TBC1D9: variants seen among roughly 807,000 people sequenced by gnomAD.
The protein encoded by TBC1D9 is TBC1 domain family member 9A.
A neutral mutation model predicts 132.0 loss-of-function variants in TBC1D9; 63 were observed. That is an observed-to-expected ratio of 0.48 (90% CI 0.39 to 0.59). TBC1D9 has a LOEUF of 0.59. Ranked by LOEUF, TBC1D9 falls within the 20% of genes least tolerant of loss-of-function variation. The pLI, the probability that TBC1D9 is intolerant of heterozygous loss-of-function variation, is 0.00. For missense variants in TBC1D9, 1,261 were observed against 1,592.7 expected (o/e 0.79, Z 3.54); for synonymous variants, 610 against 609.9 (o/e 1.00, Z 0.00).
intron 1 of TBC1D9, among the ~76,000 whole-genome samples, chr4:140,752,154 T>C (rs948590160): frequency 6.6e-6 from 1 of 151,984 alleles, no homozygotes; most frequent in Non-Finnish European, 1.5e-5. Context: ...TGCCCCCAAA[T>C]GAACCATCCA....
intron 4 of TBC1D9, 138 bp downstream of exon 4, chr4:140,679,477 C>T (rs1310903214): frequency 1.4e-6 from 1 of 694,598 alleles, no homozygotes; most frequent in African/African-American, 1.8e-5. Flanking sequence ...ATTAAATTCA[C>T]TTCAGTAGTA....
intron 1 of TBC1D9, among the ~76,000 whole-genome samples, chr4:140,709,240 TCTCTCTCTCA>T (rs1230164246): frequency 0.011 from 1,154 of 109,540 alleles, 12 homozygotes; most frequent in African/African-American, 0.042. Flanking sequence ...TCTCTCTCTC[TCTCTCTCTCA>T]CACACACACA....
intron 13 of TBC1D9, among the ~76,000 whole-genome samples, chr4:140,641,251 G>A (rs1736989288): frequency 6.6e-6 from 1 of 152,104 alleles, no homozygotes; most frequent in South Asian, 2.1e-4. Context: ...GGGCACAAGG[G>A]GCACTTCCAG....
intron 2 of TBC1D9, among the ~76,000 whole-genome samples, chr4:140,696,205 CCCAGCATTTTG>C (rs1737955749): frequency 6.6e-6 from 1 of 150,976 alleles, no homozygotes; most frequent in Non-Finnish European, 1.5e-5. Flanking sequence ...CGCCTGTAAT[CCCAGCATTTTG>C]GGAGGCTGAG....
At chr4:140,636,318 T>G (rs1313591821) in intron 15 of TBC1D9, among the ~76,000 whole-genome samples, 4 of 152,170 alleles carry the variant, frequency 2.6e-5, no homozygotes, top group Non-Finnish European at 5.9e-5. Flanking sequence ...TCCAAAAGTC[T>G]GTGCAGTAAG....
rs745846915 is a variant in TBC1D9 at position 140,631,885 on chromosome 4, C to T, written c.2746+2063G>A. Reference sequence around the variant, plus strand: ...GTGCTGGGATGACAGCCATGAGCCACGGGGCCTGGCCCATTCTTTAGTTTC... The same window carrying T: ...GTGCTGGGATGACAGCCATGAGCCATGGGGCCTGGCCCATTCTTTAGTTTC... On this transcript the variant is annotated intron_variant, in intron 16 of 20. Transcript: ENST00000442267. Among the ~76,000 whole-genome samples, 3 of 152,158 alleles carry T rather than the reference C, an allele frequency of 2.0e-5. No individual in the cohort carries two copies. In the East Asian group the frequency reaches 5.8e-4, roughly 29 times the overall value.
At chr4:140,667,359 G>A (rs1017376522) in intron 9 of TBC1D9, among the ~76,000 whole-genome samples, 7 of 152,124 alleles carry the variant, frequency 4.6e-5, no homozygotes, top group African/African-American at 1.7e-4. Context: ...CCTGGTACTC[G>A]TTTTGAGTTT....
chr4:140,673,167 C>CA (rs36085828), intron 6 of TBC1D9, among the ~76,000 whole-genome samples: 2,262 of 135,144 alleles, frequency 0.017, 52 homozygotes, highest in African/African-American at 0.057. Context: ...GACCCCATAT[C>CA]AAAAAAAAAA....
intron 13 of TBC1D9, among the ~76,000 whole-genome samples, chr4:140,641,105 CA>C (rs1038335139): frequency 1.7e-5 from 1 of 59,780 alleles, no homozygotes; most frequent in Non-Finnish European, 3.1e-5. Flanking sequence ...AAAAAAAAAA[CA>C]AAAAAAAACA....
chr4:140,673,613 A>G (rs1216918496), intron 6 of TBC1D9, among the ~76,000 whole-genome samples: 1 of 152,162 alleles, frequency 6.6e-6, no homozygotes, highest in Admixed American at 6.5e-5. Flanking sequence ...TACATCACAG[A>G]GTCATCAGTT....
intron 1 of TBC1D9, among the ~76,000 whole-genome samples, chr4:140,748,141 C>A (rs138063118): frequency 6.6e-6 from 1 of 152,112 alleles, no homozygotes; most frequent in East Asian, 1.9e-4. Flanking sequence ...CTTACAAGAA[C>A]CATACTTGCT....
chr4:140,637,714 A>C (rs923013765), intron 15 of TBC1D9, among the ~76,000 whole-genome samples: 5 of 152,194 alleles, frequency 3.3e-5, no homozygotes, highest in Admixed American at 6.5e-5. Context: ...AATATTCATG[A>C]GCTGGCACAC....
chr4:140,732,137 G>A (rs1336900878), intron 1 of TBC1D9, among the ~76,000 whole-genome samples: 1 of 152,188 alleles, frequency 6.6e-6, no homozygotes, highest in Non-Finnish European at 1.5e-5. Flanking sequence ...GTCCCTAGAA[G>A]TAGTACCAGT....
At chr4:140,629,432 C>G (rs1388924218) in intron 16 of TBC1D9, among the ~76,000 whole-genome samples, 1 of 152,210 alleles carries the variant, frequency 6.6e-6, no homozygotes, top group Non-Finnish European at 1.5e-5. Flanking sequence ...TCCTCTTTCT[C>G]TTATCCCACT....
chr4:140,633,695 G>A (rs935263746), intron 16 of TBC1D9, among the ~76,000 whole-genome samples: 2 of 151,696 alleles, frequency 1.3e-5, no homozygotes, highest in African/African-American at 2.4e-5. Context: ...AAACTATCTC[G>A]TCTGTGGTTT....
chr4:140,659,674 A>T lies in TBC1D9; in HGVS notation c.1835T>A (p.Leu612His). The T allele has an allele frequency of 6.2e-7, 1 of 1,607,660 alleles. No individual in the cohort carries two copies. The change falls in exon 11 of 21, where the codon CTT (leucine) becomes CAT (histidine). Residue 612 changes from leucine to histidine, a missense_variant. By Grantham distance (99) the Leu-to-His change is moderately conservative. This residue lies in a region of TBC1D9 where 93 missense variants were observed against 169.2 expected (regional missense o/e 0.55). Coordinates refer to ENST00000442267, the MANE Select transcript of TBC1D9 (RefSeq NM_015130.3). The part of the protein sequence containing the change: ...AMNIVTSVLL[L>H]YAKEEEAFWL... ...GAAAGCTTCCTCCTCTTTGGCATAA[A>T]GCAGCAGCACTGAAGTGACAATATT...
chr4:140,755,885 C>G, intron 1 of TBC1D9, 31 bp downstream of exon 1: 3 of 1,506,378 alleles, frequency 2.0e-6, no homozygotes, highest in Non-Finnish European at 1.8e-6. Flanking sequence ...CTCCCGGCTC[C>G]CCTCCTGCAG....
Position 140,639,410 on chromosome 4 carries a change from C to A in TBC1D9, c.2356G>T (p.Ala786Ser), listed in dbSNP as rs1180132787. ...AATCTCATCTGTTCAATCAAATCTG[C>A]CCGGATAGTTCCGAATTTCTGTAAA... ...TSYEKFGTIR[A>S]DLIEQMRFKQ... is the part of the protein sequence containing the mutation. Residue 786 changes from alanine to serine, a missense_variant, in exon 14 of 21, where the codon GCA becomes TCA. Physicochemically the swap from Ala to Ser is moderately conservative, Grantham distance 99. Transcript: ENST00000442267. The A allele has an allele frequency of 6.2e-7, 1 of 1,611,576 alleles. No individual in the cohort carries two copies. Among genetic ancestry groups the A allele is most frequent in the South Asian group, 1.1e-5 (1 of 90,312 alleles).
At chr4:140,733,208 T>G (rs1738624896) in intron 1 of TBC1D9, among the ~76,000 whole-genome samples, 1 of 152,204 alleles carries the variant, frequency 6.6e-6, no homozygotes, top group Non-Finnish European at 1.5e-5. Flanking sequence ...ATAAAGAATA[T>G]TCCTAATTGT....
Sources: allele counts gnomAD v4.1 joint callset (sites outside exome capture counted in the v4.1 genomes callset), GRCh38; gene constraint gnomAD v4.1.1; regional missense constraint gnomAD v4.1.1; transcripts MANE v1.5; gene names NCBI Gene and HGNC (gene_info 2026-07-23, HGNC 2026-07-21).